Variants in CNTNAP3B observed in about 807,000 individuals in gnomAD.
CNTNAP3B encodes contactin-associated protein-like 3B.
A neutral mutation model predicts 108.9 loss-of-function variants in CNTNAP3B; 25 were observed. The observed-to-expected ratio is 0.23, with a 90% CI of 0.17 to 0.32. The LOEUF (loss-of-function observed/expected upper bound fraction) is 0.32. Among genes scored for constraint, CNTNAP3B ranks in the 10% least tolerant of loss-of-function variants. The pLI is 1.00. For synonymous variants in CNTNAP3B, 103 were observed against 473.4 expected (o/e 0.22, Z 10.16); for missense variants, 252 against 1,210.4 (o/e 0.21, Z 11.75).
chr9:42,075,836 CTTATTATTATTATTA>C (rs201491733), intron 3 of CNTNAP3B, among the ~76,000 whole-genome samples: 227 of 63,558 alleles, frequency 3.6e-3, no homozygotes, highest in Non-Finnish European at 5.3e-3. Context: ...GTAATAAATA[CTTATTATTATTATTA>C]TTATTATTAT....
At chr9:41,977,715 G>T (rs1357479030) in intron 9 of CNTNAP3B, among the ~76,000 whole-genome samples, 1 of 129,540 alleles carries the variant, frequency 7.7e-6, no homozygotes, top group East Asian at 2.4e-4. Flanking sequence ...TGCCTCCCAG[G>T]TTCATGCCAT....
intron 10 of CNTNAP3B, among the ~76,000 whole-genome samples, chr9:41,965,841 A>G (rs1290328688): frequency 6.6e-6 from 1 of 151,324 alleles, no homozygotes; most frequent in Non-Finnish European, 1.5e-5. Flanking sequence ...GCCTCGGGAG[A>G]GATCCTTTGA....
intron 11 of CNTNAP3B, among the ~76,000 whole-genome samples, chr9:41,963,200 A>T (rs928911101): frequency 6.6e-6 from 1 of 152,290 alleles, no homozygotes; most frequent in Non-Finnish European, 1.5e-5. Context: ...GTGAAAATCA[A>T]ATGTCTCATG....
intron 18 of CNTNAP3B, among the ~76,000 whole-genome samples, chr9:41,918,431 T>C (rs1823576412): frequency 6.9e-6 from 1 of 145,770 alleles, no homozygotes. Context: ...ATCAAGTTAA[T>C]TCCAAAAATG....
chr9:41,927,729 A>C (rs1220532393), intron 15 of CNTNAP3B, among the ~76,000 whole-genome samples: 1 of 152,262 alleles, frequency 6.6e-6, no homozygotes, highest in Non-Finnish European at 1.5e-5. Flanking sequence ...AAGGAAAAAA[A>C]ATCAAAGACC....
intron 2 of CNTNAP3B, among the ~76,000 whole-genome samples, chr9:42,090,671 A>G (rs1265379831): frequency 1.2e-5 from 1 of 82,860 alleles, no homozygotes; most frequent in Non-Finnish European, 2.5e-5. Flanking sequence ...ATATATGACT[A>G]TGACTATATA....
intron 1 of CNTNAP3B, among the ~76,000 whole-genome samples, chr9:42,124,013 G>A (rs1440421779): frequency 1.5e-5 from 2 of 131,970 alleles, no homozygotes; most frequent in African/African-American, 6.2e-5. Context: ...TTAATCAAAA[G>A]TAATTCAAAC....
chr9:41,924,591 G>T (rs1310800039), intron 15 of CNTNAP3B, among the ~76,000 whole-genome samples: 3 of 150,782 alleles, frequency 2.0e-5, no homozygotes, highest in Non-Finnish European at 4.4e-5. Context: ...TTTGAAGGAG[G>T]TAGTTGGAAA....
chr9:41,965,741 G>T lies in CNTNAP3B; in HGVS notation c.1650-1097C>A, dbSNP rs369944843. 5.9e-5 allele frequency among the ~76,000 whole-genome samples: 9 copies of T among 152,276 alleles called. No individual in the cohort carries two copies. In the East Asian group the frequency reaches 9.6e-4, roughly 16 times the overall value. On this transcript the variant is annotated intron_variant, in intron 10 of 23. Coordinates refer to ENST00000377561, the MANE Select transcript of CNTNAP3B (RefSeq NM_001201380.3). Reference sequence around the variant, plus strand: ...GAAGTAACAGAAGAGGGGCTGGGAGGTTGTGACAGGCCTCCTGGCTGTGGT... The same window carrying T: ...GAAGTAACAGAAGAGGGGCTGGGAGTTTGTGACAGGCCTCCTGGCTGTGGT...
At chr9:42,120,304 AT>A (rs1828430766) in intron 1 of CNTNAP3B, among the ~76,000 whole-genome samples, 1 of 143,716 alleles carries the variant, frequency 7.0e-6, no homozygotes. Flanking sequence ...AATGACGATC[AT>A]TAAAAAGTCA....
In CNTNAP3B at chr9:42,110,276, A is replaced by G. The variant is rs1411089902; in HGVS notation, c.86-5537T>C. Among the ~76,000 whole-genome samples, 6 of 136,352 alleles carry G rather than the reference A, an allele frequency of 4.4e-5. 1 individual carries two copies. Among genetic ancestry groups the G allele is most frequent in the Non-Finnish European group, 9.3e-5 (6 of 64,244 alleles). 89.5% of individuals were successfully genotyped at this position (136,352 alleles called of 152,430 possible). A position where few individuals can be genotyped will look rare whatever the true frequency, so the allele number is the denominator to read the frequency against. ...AATTCCTTCTGAGAAGGGCTTCGTG[A>G]TGCTAAGCCACTCTGCCAGGCTGTG... On this transcript the variant is annotated intron_variant, in intron 1 of 23. Transcript: ENST00000377561.
rs372827415 is a variant in CNTNAP3B at position 42,124,210 on chromosome 9, A to T, written c.85+4800T>A. On this transcript the variant is annotated intron_variant, in intron 1 of 23. Coordinates refer to ENST00000377561, the MANE Select transcript of CNTNAP3B (RefSeq NM_001201380.3). Reference sequence around the variant, plus strand: ...TCACTCTTCGTATTATTACAACAAAAATGTTCATTAACTGGAACACATGCA... The same window carrying T: ...TCACTCTTCGTATTATTACAACAAATATGTTCATTAACTGGAACACATGCA... Among the ~76,000 whole-genome samples the T allele has an allele frequency of 1.2e-3, 156 of 134,478 alleles. 26 individuals are homozygous for T. In the East Asian group the frequency reaches 0.028, roughly 24 times the overall value. The allele number at this position is 134,478 out of a possible 152,430, so 88.2% of individuals were successfully genotyped here. A position where few individuals can be genotyped will look rare whatever the true frequency, so the allele number is the denominator to read the frequency against.
At chr9:42,071,558 G>A (rs550867077) in intron 3 of CNTNAP3B, among the ~76,000 whole-genome samples, 4 of 138,944 alleles carry the variant, frequency 2.9e-5, no homozygotes, top group Non-Finnish European at 6.2e-5. Flanking sequence ...AAAATATGTG[G>A]CAATTTACAG....
chr9:41,917,087 G>A (rs1458830863), intron 18 of CNTNAP3B, among the ~76,000 whole-genome samples: 2 of 152,294 alleles, frequency 1.3e-5, no homozygotes, highest in African/African-American at 4.8e-5. Context: ...ATTAATTTGG[G>A]GATGTTTTCA....
intron 1 of CNTNAP3B, among the ~76,000 whole-genome samples, chr9:42,115,442 C>A (rs1322589996): frequency 2.2e-5 from 3 of 139,282 alleles, no homozygotes; most frequent in East Asian, 2.2e-4. Flanking sequence ...CCCTGCGTAG[C>A]CTAACTGGGA....
rs796754618 is a variant in CNTNAP3B at position 42,081,332 on chromosome 9, AC to A, written c.197-4271del. Among the ~76,000 whole-genome samples the A allele has an allele frequency of 2.0e-4, 30 of 149,094 alleles. 1 individual carries two copies. In the South Asian group the frequency reaches 4.4e-3, roughly 22 times the overall value. On this transcript the variant is annotated intron_variant, in intron 2 of 23. Transcript: ENST00000377561. ...TGTTTTGTCCCTAAATGTTCACACAACATAGGATTTATCTTATGTACCGTTT... is the reference window on the plus strand; with the variant it reads ...TGTTTTGTCCCTAAATGTTCACACAAATAGGATTTATCTTATGTACCGTTT...
intron 18 of CNTNAP3B, among the ~76,000 whole-genome samples, chr9:41,916,073 T>TA (rs1174617341): frequency 2.7e-5 from 4 of 150,318 alleles, no homozygotes; most frequent in African/African-American, 7.4e-5. Flanking sequence ...GTTCTCTTTT[T>TA]AAAAAATCTG....
At chr9:41,946,076 T>G (rs1301061317) in intron 13 of CNTNAP3B, among the ~76,000 whole-genome samples, 1 of 149,024 alleles carries the variant, frequency 6.7e-6, no homozygotes, top group Admixed American at 6.7e-5. Context: ...AACAGAAGAG[T>G]CAAAATATAT....
chr9:42,121,899 G>T lies in CNTNAP3B; in HGVS notation c.85+7111C>A, dbSNP rs1262221236. ...AGTTTGTTTCATGGTTGCGGCAGAA[G>T]ACTCCTGGGTCAAAGCAAAGGACTG... On this transcript the variant is annotated intron_variant, in intron 1 of 23. Coordinates refer to ENST00000377561, the MANE Select transcript of CNTNAP3B (RefSeq NM_001201380.3). Among the ~76,000 whole-genome samples, 8 of 140,288 alleles carry T rather than the reference G, an allele frequency of 5.7e-5. 3 individuals carry two copies. The highest frequency in any genetic ancestry group is 2.2e-4 in the African/African-American group (8 of 35,558). The allele number at this position is 140,288 out of a possible 152,430, so 92.0% of individuals were successfully genotyped here.
Sources: gnomAD v4.1 joint callset for allele counts (sites outside exome capture counted in the v4.1 genomes callset) on GRCh38, gnomAD v4.1.1 for gene constraint, MANE v1.5 for transcripts, NCBI Gene and HGNC (gene_info 2026-07-23, HGNC 2026-07-21) for gene names.